Variants in MGAT5B observed in about 807,000 individuals in gnomAD.
MGAT5B encodes the protein alpha-1,6-mannosylglycoprotein 6-beta-N-acetylglucosaminyltransferase B.
In MGAT5B, 54 loss-of-function variants were observed where a neutral mutation model predicts 95.1. The ratio of observed to expected loss-of-function variants is 0.57; its 90% CI spans 0.46 to 0.71. MGAT5B has a LOEUF of 0.71. Among genes scored for constraint, MGAT5B ranks in the 30% least tolerant of loss-of-function variants. The pLI, the probability that MGAT5B is intolerant of heterozygous loss-of-function variation, is 0.00. For missense variants in MGAT5B, 935 were observed against 1,088.6 expected (o/e 0.86, Z 1.99); for synonymous variants, 464 against 451.0 (o/e 1.03, Z -0.36).
At chr17:76,876,709 C>T (rs1036662338) in intron 2 of MGAT5B, among the ~76,000 whole-genome samples, 3 of 152,184 alleles carry the variant, frequency 2.0e-5, no homozygotes, top group Non-Finnish European at 2.9e-5. Context: ...TGATAAACTG[C>T]GTACTTTGGG....
In MGAT5B at chr17:76,871,309, C is replaced by T. The variant is rs907945641; in HGVS notation, c.69-1542C>T. On this transcript the variant is annotated intron_variant, in intron 1 of 17. Coordinates refer to ENST00000569840, the MANE Select transcript of MGAT5B (RefSeq NM_001199172.2). ...AGGGACCCCAAGATCTGAGCCCCAC[C>T]CCCAGGCTTGGTGGAATTCCGTGAG... 1.4e-4 allele frequency among the ~76,000 whole-genome samples: 21 copies of T among 152,304 alleles called. No individual in the cohort carries two copies. In the East Asian group the frequency reaches 3.5e-3, roughly 25 times the overall value.
chr17:76,873,743 T>G (rs1337389164), intron 2 of MGAT5B, among the ~76,000 whole-genome samples: 1 of 152,078 alleles, frequency 6.6e-6, no homozygotes, highest in Non-Finnish European at 1.5e-5. Flanking sequence ...CACTGTATCA[T>G]GGGGGTTCTT....
At chr17:76,873,112 C>A in intron 2 of MGAT5B, 149 bp downstream of exon 2, 1 of 847,574 alleles carries the variant, frequency 1.2e-6, no homozygotes, top group Non-Finnish European at 1.8e-6. Context: ...GGCCGTATGA[C>A]CCTCCATGCA....
At position 76,905,520 on chromosome 17, in the gene MGAT5B, G is replaced by A. The variant is rs748676470; in HGVS notation, c.855+187G>A. 6.6e-6 allele frequency among the ~76,000 whole-genome samples: 1 copy of A among 152,222 alleles called. No homozygotes were observed. Among genetic ancestry groups the A allele is most frequent in the Non-Finnish European group, 1.5e-5 (1 of 68,042 alleles). ...GTGGTGGCCCCTGGCCCTTTTCAAGGTTGGGACCAAATGACAAGCCCCCAA... is the reference window on the plus strand; with the variant it reads ...GTGGTGGCCCCTGGCCCTTTTCAAGATTGGGACCAAATGACAAGCCCCCAA... On this transcript the variant is annotated intron_variant, in intron 7 of 17. Transcript: ENST00000569840. This position sits in a 1 kb window ranked among gnomAD's most constrained non-coding sequence, Gnocchi z 4.2.
At chr17:76,879,943 C>T (rs1457332118) in intron 2 of MGAT5B, among the ~76,000 whole-genome samples, 3 of 152,062 alleles carry the variant, frequency 2.0e-5, no homozygotes, top group African/African-American at 7.2e-5. Flanking sequence ...TGTGTGAGTG[C>T]GTGGGGAGGG....
chr17:76,946,493 A>G (rs899651784), intron 16 of MGAT5B, 43 bp downstream of exon 16: 13 of 1,507,398 alleles, frequency 8.6e-6, no homozygotes, highest in Non-Finnish European at 1.2e-5. Context: ...CTGTCAGACC[A>G]GAGGAGGGGG....
At chr17:76,902,255 A>G (rs143884955) in intron 3 of MGAT5B, among the ~76,000 whole-genome samples, 1 of 151,646 alleles carries the variant, frequency 6.6e-6, no homozygotes, top group Non-Finnish European at 1.5e-5. Flanking sequence ...ATGTCCACTA[A>G]AGGGCTCTCT....
intron 8 of MGAT5B, among the ~76,000 whole-genome samples, chr17:76,922,862 T>G (rs556128034): frequency 6.6e-6 from 1 of 152,154 alleles, no homozygotes; most frequent in East Asian, 1.9e-4. Context: ...CTCTCACACT[T>G]AGCAGCAAAG....
chr17:76,886,322 G>A (rs1169615385), intron 3 of MGAT5B, among the ~76,000 whole-genome samples: 4 of 152,278 alleles, frequency 2.6e-5, no homozygotes, highest in African/African-American at 9.6e-5. Context: ...CTGGCCAGTG[G>A]CCCCTCAGAG....
intron 6 of MGAT5B, 143 bp downstream of exon 6, chr17:76,904,565 G>T (rs1968448713): frequency 2.1e-6 from 2 of 952,448 alleles, no homozygotes; most frequent in Admixed American, 3.0e-5. Context: ...ACCCTACCGG[G>T]CAGACGGGAG....
chr17:76,927,085 G>A (rs1969337298), intron 10 of MGAT5B, among the ~76,000 whole-genome samples: 1 of 152,186 alleles, frequency 6.6e-6, no homozygotes, highest in African/African-American at 2.4e-5. Context: ...GTAAGCTGGA[G>A]AACTTCCCTG....
At position 76,882,435 on chromosome 17, in the gene MGAT5B, T is replaced by C; in HGVS notation, c.329+137T>C. On this transcript the variant is annotated intron_variant, in intron 3 of 17. Transcript: ENST00000569840. ...ACACTGTGGTACAGCCCAGAGTGCATTTCTACCACCCAAATTTAACAACCG... is the reference window on the plus strand; with the variant it reads ...ACACTGTGGTACAGCCCAGAGTGCACTTCTACCACCCAAATTTAACAACCG... 3.9e-6 allele frequency: 4 copies of C among 1,019,924 alleles called. No homozygotes were observed. The South Asian group carries it at 7.2e-5, about 18-fold the overall frequency. The allele number at this position is 1,019,924 out of a possible 1,614,324, so 63.2% of individuals were successfully genotyped here.
intron 8 of MGAT5B, chr17:76,923,827 G>C (rs1005440840): frequency 2.6e-5 from 4 of 152,240 alleles, no homozygotes; most frequent in Non-Finnish European, 5.9e-5. Flanking sequence ...GGGAGGGGGT[G>C]TTTGGGGAAG....
At chr17:76,901,445 A>G (rs1457395970) in intron 3 of MGAT5B, among the ~76,000 whole-genome samples, 1 of 151,600 alleles carries the variant, frequency 6.6e-6, no homozygotes, top group Non-Finnish European at 1.5e-5. Context: ...AAAGACCCCC[A>G]GGGCTATCTT....
At position 76,889,078 on chromosome 17, in the gene MGAT5B, G is replaced by A. The variant is rs1967775939; in HGVS notation, c.329+6780G>A. Among the ~76,000 whole-genome samples, 1 of 152,202 alleles carries A rather than the reference G, an allele frequency of 6.6e-6. No individual in the cohort carries two copies. Among genetic ancestry groups the A allele is most frequent in the African/African-American group, 2.4e-5 (1 of 41,450 alleles). ...TGAGAAACGATGGTTTTGGTAGAAT[G>A]CCTGGGGCTTAGTATATGTGCAGAA... On this transcript the variant is annotated intron_variant, in intron 3 of 17. Transcript: ENST00000569840. This position sits in a 1 kb window ranked among gnomAD's most constrained non-coding sequence, Gnocchi z 4.4.
intron 10 of MGAT5B, among the ~76,000 whole-genome samples, chr17:76,929,297 C>T (rs1969411963): frequency 1.3e-5 from 2 of 152,182 alleles, no homozygotes; most frequent in Non-Finnish European, 2.9e-5. Context: ...AAAATGAGGA[C>T]TTGTCCCAGG....
chr17:76,879,345 C>T (rs769182581), intron 2 of MGAT5B, among the ~76,000 whole-genome samples: 1 of 152,184 alleles, frequency 6.6e-6, no homozygotes, highest in African/African-American at 2.4e-5. Context: ...TGGGGTGCTG[C>T]GTCTGCAGGA....
rs1970162958 is a variant in MGAT5B at position 76,950,172 on chromosome 17, G to T, written c.*1334G>T. ...CCGGGAGGCAGCCCCGGGATGCTGA[G>T]AGTTGGTGGAGGGGCCAGGCTGGAC... On this transcript the variant is annotated 3_prime_UTR_variant, in exon 18 of 18. Transcript: ENST00000569840. 6.6e-6 allele frequency: 1 copy of T among 152,616 alleles called. No homozygotes were observed. The highest frequency in any genetic ancestry group is 2.4e-5 in the African/African-American group (1 of 41,424). 9.5% of individuals were successfully genotyped at this position (152,616 alleles called of 1,614,324 possible).
Position 76,949,178 on chromosome 17 carries a change from T to C in MGAT5B, c.*340T>C, listed in dbSNP as rs575990480. On this transcript the variant is annotated 3_prime_UTR_variant, in exon 18 of 18. Coordinates refer to ENST00000569840, the MANE Select transcript of MGAT5B (RefSeq NM_001199172.2). Reference sequence around the variant, plus strand: ...TGTGCAAGGCCGGATCTGGGCCAGGTGGCGAAAGGGGCCCAGTCGTTCTTG... The same window carrying C: ...TGTGCAAGGCCGGATCTGGGCCAGGCGGCGAAAGGGGCCCAGTCGTTCTTG... The C allele has an allele frequency of 3.3e-6, 1 of 300,884 alleles. No individual in the cohort carries two copies. Among genetic ancestry groups the C allele is most frequent in the Non-Finnish European group, 6.2e-6 (1 of 160,410 alleles). The allele number at this position is 300,884 out of a possible 1,614,324, so 18.6% of individuals were successfully genotyped here. A position where few individuals can be genotyped will look rare whatever the true frequency, so the allele number is the denominator to read the frequency against.
Sources: gnomAD v4.1 joint callset for allele counts (sites outside exome capture counted in the v4.1 genomes callset) on GRCh38, gnomAD v4.1.1 for gene constraint, Gnocchi (gnomAD v3.1) non-coding constraint, MANE v1.5 for transcripts, NCBI Gene and HGNC (gene_info 2026-07-23, HGNC 2026-07-21) for gene names.